The following SERPINB2 variants were observed in gnomAD, a reference collection of about 807,000 sequenced individuals.
SERPINB2 encodes serpin family B member 2.
Under a neutral mutation model 39.4 loss-of-function variants are expected in SERPINB2, and 28 were observed. The observed-to-expected ratio is 0.71, with a 90% CI of 0.53 to 0.97. The LOEUF (loss-of-function observed/expected upper bound fraction) is 0.97, where lower values mean the gene tolerates loss of function less well. SERPINB2 is among the 50% of genes least tolerant of loss of function. The pLI, the probability that SERPINB2 is intolerant of heterozygous loss-of-function variation, is 0.00. For missense variants in SERPINB2, 557 were observed against 505.3 expected (o/e 1.10, Z -0.98); for synonymous variants, 209 against 175.1 (o/e 1.19, Z -1.53).
intron 4 of SERPINB2, 129 bp downstream of exon 4, chr18:63,897,348 G>A: frequency 1.8e-6 from 2 of 1,122,404 alleles, no homozygotes; most frequent in Non-Finnish European, 1.3e-6. Flanking sequence ...CCTAGGGCTG[G>A]CCTTGCGTAA....
At position 63,903,289 on chromosome 18, in the gene SERPINB2, GA is replaced by G. The variant is rs2050006844; in HGVS notation, c.1233del (p.Arg411SerfsTer19). 6.5e-7 allele frequency: 1 copy of G among 1,530,528 alleles called. No homozygotes were observed. Among genetic ancestry groups the G allele is most frequent in the African/African-American group, 1.4e-5 (1 of 71,908 alleles). The allele number at this position is 1,530,528 out of a possible 1,614,324, so 94.8% of individuals were successfully genotyped here. On this transcript the variant is annotated frameshift_variant, in exon 8 of 8. Transcript: ENST00000299502. LOFTEE classifies it high-confidence loss of function. ...ACCAACTGCATTTTATTTTTCGGCA[GA>G]TTTTCCTCACCCTAAAACTAAGCGT... ...KITNCILFFG[R>X]FSSP
At chr18:63,901,533 A>C (rs2049990956) in intron 5 of SERPINB2, among the ~76,000 whole-genome samples, 1 of 152,026 alleles carries the variant, frequency 6.6e-6, no homozygotes. Flanking sequence ...TAAATGCATT[A>C]TTTCTTCATT....
At chr18:63,897,871 C>A in intron 5 of SERPINB2, 27 bp downstream of exon 5, 1 of 1,423,122 alleles carries the variant, frequency 7.0e-7, no homozygotes, top group Non-Finnish European at 9.8e-7. Flanking sequence ...ATTTTATTTA[C>A]TTCTTTCCAG....
At chr18:63,897,918 C>T (rs933018967) in intron 5 of SERPINB2, 74 bp downstream of exon 5, 11 of 1,009,426 alleles carry the variant, frequency 1.1e-5, no homozygotes, top group African/African-American at 9.8e-5. Context: ...CATCCATGAA[C>T]TTAGTTAGCC....
chr18:63,899,334 T>C (rs2049978773), intron 5 of SERPINB2, among the ~76,000 whole-genome samples: 1 of 152,208 alleles, frequency 6.6e-6, no homozygotes, highest in Non-Finnish European at 1.5e-5. Flanking sequence ...TCTAATTATT[T>C]TTGGGTAGGT....
At position 63,903,374 on chromosome 18, in the gene SERPINB2, AT is replaced by A. The variant is rs2050007491; in HGVS notation, c.*71del. The stretch of plus-strand genomic sequence containing the variant: ...GTGTGCCTCAGAATTGCTATTTCAA[AT>A]TGCCAAAAATTTAGAGATGTTTTCT... On this transcript the variant is annotated 3_prime_UTR_variant, in exon 8 of 8. Transcript: ENST00000299502. 7.1e-7 allele frequency: 1 copy of A among 1,415,948 alleles called. No homozygotes were observed. Among genetic ancestry groups the A allele is most frequent in the Non-Finnish European group, 9.3e-7 (1 of 1,074,270 alleles). 87.7% of individuals were successfully genotyped at this position (1,415,948 alleles called of 1,614,324 possible). A position where few individuals can be genotyped will look rare whatever the true frequency, so the allele number is the denominator to read the frequency against.
chr18:63,891,679 T>C (rs1364278480), intron 2 of SERPINB2, 67 bp downstream of exon 2: 1 of 1,479,036 alleles, frequency 6.8e-7, no homozygotes, highest in East Asian at 2.4e-5. Flanking sequence ...GAACTGCTCT[T>C]GTTTTATGCT....
chr18:63,902,296 A>C (rs2049996733), intron 6 of SERPINB2, 108 bp from the exon 7 acceptor site: 1 of 993,784 alleles, frequency 1.0e-6, no homozygotes, highest in African/African-American at 1.7e-5. Context: ...ATTTAAAAAA[A>C]TCACATTTAT....
chr18:63,897,376 C>T (rs2278177), intron 4 of SERPINB2, among the ~76,000 whole-genome samples, 157 bp downstream of exon 4: 43,555 of 152,094 alleles, frequency 0.29, 6,839 homozygotes, highest in East Asian at 0.48. Context: ...CCTTCCTGTA[C>T]CCTCTGGGGC....
At chr18:63,894,098 T>C (rs960941985) in intron 2 of SERPINB2, among the ~76,000 whole-genome samples, 1 of 152,194 alleles carries the variant, frequency 6.6e-6, no homozygotes, top group Non-Finnish European at 1.5e-5. Context: ...TTGTGTGGAC[T>C]AGGGGCAGCT....
At chr18:63,901,536 T>C (rs1334452096) in intron 5 of SERPINB2, among the ~76,000 whole-genome samples, 1 of 152,192 alleles carries the variant, frequency 6.6e-6, no homozygotes, top group African/African-American at 2.4e-5. Flanking sequence ...ATGCATTATT[T>C]CTTCATTTTT....
chr18:63,896,189 G>A (rs2049958274), intron 3 of SERPINB2, among the ~76,000 whole-genome samples: 1 of 152,094 alleles, frequency 6.6e-6, no homozygotes, highest in Admixed American at 6.6e-5. Context: ...TAGAGGAGGT[G>A]GACAGGATCC....
At chr18:63,899,719 G>A (rs182730969) in intron 5 of SERPINB2, among the ~76,000 whole-genome samples, 8 of 152,048 alleles carry the variant, frequency 5.3e-5, no homozygotes, top group East Asian at 1.9e-4. Context: ...TTCCTCAATC[G>A]GATGTTTAAA....
rs1425545942 is a variant in SERPINB2 at position 63,902,453 on chromosome 18, T to C, written c.728T>C (p.Ile243Thr). The C allele has an allele frequency of 3.1e-5, 50 of 1,613,406 alleles. No homozygotes were observed. The highest frequency in any genetic ancestry group is 1.6e-4 in the Middle Eastern group (1 of 6,072). Residue 243 changes from isoleucine to threonine, a missense_variant, in exon 7 of 8, where the codon ATT becomes ACT. Physicochemically the swap from Ile to Thr is moderately conservative, Grantham distance 89. Transcript: ENST00000299502. ...ATGTACTTGCGTGAAAAGCTAAACA[T>C]TGGATACATAGAAGACCTAAAGGCT... ...QMMYLREKLN[I>T]GYIEDLKAQI...
chr18:63,898,761 A>C (rs2049975624), intron 5 of SERPINB2, among the ~76,000 whole-genome samples: 2 of 152,164 alleles, frequency 1.3e-5, no homozygotes, highest in South Asian at 4.1e-4. Flanking sequence ...TTGGGAAGAC[A>C]GGCTGGAGCT....
intron 7 of SERPINB2, 102 bp from the exon 8 acceptor site, chr18:63,902,799 A>T: frequency 1.6e-6 from 2 of 1,282,824 alleles, no homozygotes; most frequent in Non-Finnish European, 1.1e-6. Context: ...CCCACAATAT[A>T]GTAAAGTCAC....
At chr18:63,889,916 C>T (rs532105172) in intron 1 of SERPINB2, 6 of 152,168 alleles carry the variant, frequency 3.9e-5, no homozygotes, top group African/African-American at 1.4e-4. Context: ...CGATGTGGAA[C>T]ATTGGAAAGA....
rs750062145 is a variant in SERPINB2, at chr18:63,901,897, A to C, written c.678+15A>C. 1.9e-6 allele frequency: 3 copies of C among 1,591,108 alleles called. No homozygotes were observed. The highest frequency in any genetic ancestry group is 1.2e-5 in the South Asian group (1 of 85,982). ...GTGTAAACTCGGTATGAGACAACAA[A>C]ATACATCTTCCTAGCATATATTTTA... On this transcript the variant is annotated intron_variant, in intron 6 of 7. Transcript: ENST00000299502.
chr18:63,902,372 G>A (rs775100191), intron 6 of SERPINB2, 32 bp from the exon 7 acceptor site: 68 of 1,494,722 alleles, frequency 4.5e-5, no homozygotes, highest in South Asian at 4.5e-4. Flanking sequence ...TCTTATAATC[G>A]ACTTCCATAT....
Sources: gnomAD v4.1 joint callset for allele counts (sites outside exome capture counted in the v4.1 genomes callset) on GRCh38, gnomAD v4.1.1 for gene constraint, MANE v1.5 for transcripts, NCBI Gene and HGNC (gene_info 2026-07-23, HGNC 2026-07-21) for gene names.